RPTOR: variants seen among roughly 807,000 people sequenced by gnomAD.
The protein encoded by RPTOR is regulatory associated protein of MTOR complex 1.
Under a neutral mutation model 169.9 loss-of-function variants are expected in RPTOR, and 21 were observed. The ratio of observed to expected loss-of-function variants is 0.12; its 90% confidence interval spans 0.09 to 0.18. The LOEUF (loss-of-function observed/expected upper bound fraction) is 0.18. Ranked by LOEUF, RPTOR falls within the 10% of genes least tolerant of loss-of-function variation. The pLI, the probability that RPTOR is intolerant of heterozygous loss-of-function variation, is 1.00. For missense variants in RPTOR, 1,133 were observed against 1,855.9 expected, an observed-to-expected ratio of 0.61 and a Z score of 7.16; for synonymous variants, 732 against 753.2, an observed-to-expected ratio of 0.97 and a Z score of 0.46.
intron 7 of RPTOR, among the ~76,000 whole-genome samples, chr17:80,799,282 G>A (rs1035701405): frequency 3.1e-4 from 47 of 152,182 alleles, no homozygotes; most frequent in African/African-American, 1.1e-3. Flanking sequence ...ACTGTAGACC[G>A]GGGGCGTGGA....
chr17:80,946,122 T>A (rs1444795456), intron 26 of RPTOR, among the ~76,000 whole-genome samples: 4 of 152,094 alleles, frequency 2.6e-5, no homozygotes, highest in Non-Finnish European at 5.9e-5. Context: ...GAAGCAAGCA[T>A]GTGATAGACA....
At chr17:80,655,363 G>C (rs528836903) in intron 3 of RPTOR, among the ~76,000 whole-genome samples, 1 of 152,068 alleles carries the variant, frequency 6.6e-6, no homozygotes, top group Non-Finnish European at 1.5e-5. Flanking sequence ...TGGGATTATA[G>C]GTATGAGCCA....
chr17:80,700,717 G>A (rs2066087980), intron 3 of RPTOR, among the ~76,000 whole-genome samples: 1 of 108,920 alleles, frequency 9.2e-6, no homozygotes, highest in Non-Finnish European at 2.0e-5. Flanking sequence ...TGATGGTGGT[G>A]GTGGTGGTGG....
At chr17:80,905,970 G>A (rs191481790) in intron 20 of RPTOR, among the ~76,000 whole-genome samples, 23 of 152,322 alleles carry the variant, frequency 1.5e-4, no homozygotes, top group Admixed American at 5.2e-4. Context: ...AGCCTCGTGG[G>A]GAGCTGCTTC....
intron 20 of RPTOR, among the ~76,000 whole-genome samples, chr17:80,904,034 G>A (rs1157467972): frequency 6.6e-6 from 1 of 152,216 alleles, no homozygotes; most frequent in Non-Finnish European, 1.5e-5. Flanking sequence ...GTCTCGTAGG[G>A]GTACTGAATA....
intron 24 of RPTOR, among the ~76,000 whole-genome samples, chr17:80,930,264 A>T (rs2068866797): frequency 7.8e-6 from 1 of 127,678 alleles, no homozygotes; most frequent in African/African-American, 3.0e-5. Context: ...TCCCCAGCTC[A>T]TCCTCAGCTC....
chr17:80,561,277 A>G (rs1186721322), intron 1 of RPTOR, among the ~76,000 whole-genome samples: 1 of 118,686 alleles, frequency 8.4e-6, no homozygotes, highest in African/African-American at 3.2e-5. Context: ...ATATATATAT[A>G]TATATATATA....
intron 5 of RPTOR, among the ~76,000 whole-genome samples, chr17:80,752,065 A>T (rs1789113364): frequency 6.6e-6 from 1 of 152,178 alleles, no homozygotes; most frequent in African/African-American, 2.4e-5. Context: ...TTCTGTTTTC[A>T]TTCCTTTAGC....
At chr17:80,755,390 C>T (rs567849125) in intron 6 of RPTOR, among the ~76,000 whole-genome samples, 81 of 151,976 alleles carry the variant, frequency 5.3e-4, no homozygotes, top group African/African-American at 1.8e-3. Flanking sequence ...CCCTTGAGCG[C>T]GGGAGTTTTG....
intron 25 of RPTOR, among the ~76,000 whole-genome samples, chr17:80,944,867 T>A (rs1255891112): frequency 6.6e-6 from 1 of 151,928 alleles, no homozygotes; most frequent in African/African-American, 2.4e-5. Flanking sequence ...GGCGGATGCC[T>A]GTAATCCCAG....
At chr17:80,924,646 A>G (rs1252656921) in intron 23 of RPTOR, among the ~76,000 whole-genome samples, 1 of 151,726 alleles carries the variant, frequency 6.6e-6, no homozygotes, top group East Asian at 1.9e-4. Context: ...CGGCACGTGC[A>G]GCTCACCCAC....
chr17:80,753,364 G>T (rs1450225727), intron 5 of RPTOR, among the ~76,000 whole-genome samples: 1 of 132,328 alleles, frequency 7.6e-6, no homozygotes, highest in Non-Finnish European at 1.7e-5. Flanking sequence ...GCCGGGCGCG[G>T]TGGCTCACGC....
chr17:80,846,222 C>T (rs1165758949), intron 10 of RPTOR, among the ~76,000 whole-genome samples: 2 of 152,252 alleles, frequency 1.3e-5, no homozygotes. Flanking sequence ...GCTCGGTGCC[C>T]TGGCCAAAAG....
chr17:80,908,137 A>G (rs1248258686), intron 20 of RPTOR, among the ~76,000 whole-genome samples: 1 of 152,136 alleles, frequency 6.6e-6, no homozygotes, highest in Non-Finnish European at 1.5e-5. Context: ...GCTTCCCTCC[A>G]TGCCCACGAC....
At chr17:80,892,697 C>T (rs2068341357) in intron 18 of RPTOR, 32 bp from the exon 19 acceptor site, 1 of 1,605,678 alleles carries the variant, frequency 6.2e-7, no homozygotes, top group Non-Finnish European at 8.5e-7. Flanking sequence ...CCTGGAAGCC[C>T]ATTGTAATTT....
chr17:80,756,307 G>GA (rs2066680595), intron 6 of RPTOR, among the ~76,000 whole-genome samples: 1 of 152,156 alleles, frequency 6.6e-6, no homozygotes, highest in Admixed American at 6.5e-5. Context: ...CTTTGACCTT[G>GA]GACCTCCCAG....
At chr17:80,961,982 C>A (rs1421636586) in intron 31 of RPTOR, among the ~76,000 whole-genome samples, 2 of 152,184 alleles carry the variant, frequency 1.3e-5, no homozygotes, top group African/African-American at 4.8e-5. Context: ...GATATAAAAA[C>A]CAAACATAAC....
At chr17:80,951,449 G>T (rs2069176960) in intron 28 of RPTOR, among the ~76,000 whole-genome samples, 1 of 152,210 alleles carries the variant, frequency 6.6e-6, no homozygotes, top group Non-Finnish European at 1.5e-5. Context: ...AGAGAACGAG[G>T]CTCTCACTGC....
At chr17:80,812,699 T>C (rs959475295) in intron 7 of RPTOR, among the ~76,000 whole-genome samples, 1 of 152,250 alleles carries the variant, frequency 6.6e-6, no homozygotes, top group Non-Finnish European at 1.5e-5. Flanking sequence ...CCTGGCTGCC[T>C]TTCCTTGCTT....
Sources: allele counts gnomAD v4.1 joint callset (sites outside exome capture counted in the v4.1 genomes callset), GRCh38; gene constraint gnomAD v4.1.1; transcripts MANE v1.5; gene names NCBI Gene and HGNC (gene_info 2026-07-23, HGNC 2026-07-21).